CBFA2T3: variants seen among roughly 807,000 people sequenced by gnomAD.
The protein encoded by CBFA2T3 is CBFA2/RUNX1 partner transcriptional co-repressor 3, also known as transcriptional corepressor CBFA2T3.
A neutral mutation model predicts 58.6 loss-of-function variants in CBFA2T3; 31 were observed. That is an observed-to-expected ratio of 0.53 (90% CI 0.40 to 0.71). The LOEUF is 0.71. Among genes scored for constraint, CBFA2T3 ranks in the 30% least tolerant of loss-of-function variants. The pLI is 0.00. For synonymous variants in CBFA2T3, 531 were observed against 421.9 expected, an observed-to-expected ratio of 1.26 and a Z score of -3.17; for missense variants, 1,076 against 963.1, an observed-to-expected ratio of 1.12 and a Z score of -1.55.
At chr16:88,968,890 T>C (rs1194805756) in intron 1 of CBFA2T3, among the ~76,000 whole-genome samples, 1 of 151,944 alleles carries the variant, frequency 6.6e-6, no homozygotes, top group Non-Finnish European at 1.5e-5. Flanking sequence ...CTGAGTGCCA[T>C]GTGACCCCCA....
intron 1 of CBFA2T3, among the ~76,000 whole-genome samples, chr16:88,927,879 T>G (rs1971135674): frequency 6.6e-6 from 1 of 152,160 alleles, no homozygotes. Flanking sequence ...GAAAGGCGCC[T>G]CGTGACACGC....
Position 88,976,925 on chromosome 16 carries a change from C to G in CBFA2T3, c.-118G>C, listed in dbSNP as rs945811001. ...GGAGGGGCTGGGCCAGCTGGGGCGT[C>G]CTGGAGTTGGGCCTCTGTCCCTGGA... On this transcript the variant is annotated 5_prime_UTR_variant, in exon 1 of 12. Transcript: ENST00000268679. The G allele has an allele frequency of 7.7e-7, 1 of 1,305,162 alleles. No individual in the cohort carries two copies. The highest frequency in any genetic ancestry group is 1.0e-6 in the Non-Finnish European group (1 of 964,752). 80.8% of individuals were successfully genotyped at this position (1,305,162 alleles called of 1,614,324 possible).
At chr16:88,973,335 C>T (rs1025858886) in intron 1 of CBFA2T3, among the ~76,000 whole-genome samples, 2 of 152,106 alleles carry the variant, frequency 1.3e-5, no homozygotes, top group African/African-American at 2.4e-5. Flanking sequence ...TGCGGCACGG[C>T]GGCCACAGCC....
intron 1 of CBFA2T3, among the ~76,000 whole-genome samples, chr16:88,902,041 C>T (rs1251518306): frequency 6.6e-6 from 1 of 152,196 alleles, no homozygotes; most frequent in Non-Finnish European, 1.5e-5. Flanking sequence ...AGACAGACCT[C>T]AGCCTCTTCC....
Position 88,977,117 on chromosome 16 carries a change from G to A in CBFA2T3, c.-310C>T, listed in dbSNP as rs991310796. The A allele has an allele frequency of 1.1e-4, 38 of 333,376 alleles. No individual in the cohort carries two copies. The highest frequency in any genetic ancestry group is 1.8e-4 in the Non-Finnish European group (33 of 180,548). The allele number at this position is 333,376 out of a possible 1,614,324, so 20.7% of individuals were successfully genotyped here. A position where few individuals can be genotyped will look rare whatever the true frequency, so the allele number is the denominator to read the frequency against. On this transcript the variant is annotated 5_prime_UTR_variant, in exon 1 of 12. Transcript: ENST00000268679. ...GCTGTGTCCCCGTGATAATGCCGGG[G>A]CCGGAGGCCTGCAGCTGCGCCCGCC... is the stretch of plus-strand genomic sequence containing the variant.
At chr16:88,975,631 C>T (rs776675267) in intron 1 of CBFA2T3, among the ~76,000 whole-genome samples, 1 of 152,268 alleles carries the variant, frequency 6.6e-6, no homozygotes, top group Non-Finnish European at 1.5e-5. Flanking sequence ...TCGGGAGAAA[C>T]GAACAGTAGC....
chr16:88,906,820 A>G (rs2142674007), intron 1 of CBFA2T3, among the ~76,000 whole-genome samples: 1 of 152,304 alleles, frequency 6.6e-6, no homozygotes, highest in East Asian at 1.9e-4. Flanking sequence ...TGCAGCCCCC[A>G]GGAGATTAAA....
Position 88,881,983 on chromosome 16 carries a change from G to A in CBFA2T3, c.1204-494C>T, listed in dbSNP as rs775349942. 3.8e-4 allele frequency among the ~76,000 whole-genome samples: 58 copies of A among 152,222 alleles called. 1 individual carries two copies. The highest frequency in any genetic ancestry group is 6.3e-4 in the Non-Finnish European group (43 of 68,030). ...TCAAAGAGGCCTCGGCACTGCTTTT[G>A]CCCACACTTCTTGCAAGACTCAGGA... On this transcript the variant is annotated intron_variant, in intron 8 of 11. Transcript: ENST00000268679.
chr16:88,906,104 CTAT>C (rs1970323011), intron 1 of CBFA2T3, among the ~76,000 whole-genome samples: 2 of 152,090 alleles, frequency 1.3e-5, no homozygotes, highest in African/African-American at 2.4e-5. Context: ...GAAATGGTGG[CTAT>C]TATTATCCTC....
At chr16:88,943,671 C>A (rs947409120) in intron 1 of CBFA2T3, among the ~76,000 whole-genome samples, 2 of 152,200 alleles carry the variant, frequency 1.3e-5, no homozygotes, top group African/African-American at 4.8e-5. Context: ...TGCATTTCCC[C>A]CCGTGCTGTG....
rs1567617040 is a variant in CBFA2T3 at position 88,932,171 on chromosome 16, C to CCCA, written c.152-30516_152-30515insTGG. Reference sequence around the variant, plus strand: ...CTGCCAGGTGGCCCCTCACACGGCCCCTGCTTCCCCCTCACACGGCCCCCG... The same window carrying CCCA: ...CTGCCAGGTGGCCCCTCACACGGCCCCCACTGCTTCCCCCTCACACGGCCCCCG... On this transcript the variant is annotated intron_variant, in intron 1 of 11. Coordinates refer to ENST00000268679, the MANE Select transcript of CBFA2T3 (RefSeq NM_005187.6). Among the ~76,000 whole-genome samples, 94 of 137,968 alleles carry CCCA rather than the reference C, an allele frequency of 6.8e-4. 1 individual carries two copies. Among genetic ancestry groups the CCCA allele is most frequent in the African/African-American group, 3.0e-3 (92 of 30,956 alleles). 90.5% of individuals were successfully genotyped at this position (137,968 alleles called of 152,430 possible).
At chr16:88,921,103 A>T (rs1382939605) in intron 1 of CBFA2T3, among the ~76,000 whole-genome samples, 1 of 152,208 alleles carries the variant, frequency 6.6e-6, no homozygotes, top group African/African-American at 2.4e-5. Context: ...CCCGGCTCTC[A>T]CAGGGCGGAG....
intron 10 of CBFA2T3, 59 bp from the exon 11 acceptor site, chr16:88,879,519 A>C (rs1968980163): frequency 6.6e-7 from 1 of 1,517,946 alleles, no homozygotes; most frequent in Non-Finnish European, 9.1e-7. Flanking sequence ...GGGTCTCTGG[A>C]CTTCCTACGC....
chr16:88,894,468 A>G (rs974184678), intron 3 of CBFA2T3, among the ~76,000 whole-genome samples: 4 of 122,200 alleles, frequency 3.3e-5, no homozygotes, highest in Non-Finnish European at 6.5e-5. Context: ...ACATGCATAC[A>G]TATACACATG....
At chr16:88,944,062 G>T (rs1277973176) in intron 1 of CBFA2T3, among the ~76,000 whole-genome samples, 1 of 152,154 alleles carries the variant, frequency 6.6e-6, no homozygotes, top group Non-Finnish European at 1.5e-5. Flanking sequence ...CCACGGCCGG[G>T]TGCGGTGGGT....
chr16:88,941,109 C>T lies in CBFA2T3; in HGVS notation c.151+35548G>A, dbSNP rs950936186. ...TCGCTGCTCCTTCCAGCTTGGTCCC[C>T]GCCTCCACGACTCAGGGGCGGCTGC... On this transcript the variant is annotated intron_variant, in intron 1 of 11. Transcript: ENST00000268679. 2,586 of 984,468 alleles carry T rather than the reference C, an allele frequency of 2.6e-3. 7 individuals are homozygous for T. The highest frequency in any genetic ancestry group is 3.0e-3 in the Non-Finnish European group (2,525 of 829,516). The allele number at this position is 984,468 out of a possible 1,614,324, so 61.0% of individuals were successfully genotyped here. A position where few individuals can be genotyped will look rare whatever the true frequency, so the allele number is the denominator to read the frequency against.
At chr16:88,965,088 T>TATAC (rs1972465678) in intron 1 of CBFA2T3, among the ~76,000 whole-genome samples, 1 of 132,992 alleles carries the variant, frequency 7.5e-6, no homozygotes, top group African/African-American at 3.1e-5. Context: ...CCCACCCATC[T>TATAC]ATCCATCCAT....
chr16:88,905,348 C>T lies in CBFA2T3; in HGVS notation c.152-3692G>A, dbSNP rs151019161. Among the ~76,000 whole-genome samples the T allele has an allele frequency of 1.3e-3, 205 of 152,242 alleles. 2 individuals carry two copies. Among genetic ancestry groups the T allele is most frequent in the African/African-American group, 4.6e-3 (191 of 41,534 alleles). On this transcript the variant is annotated intron_variant, in intron 1 of 11. Transcript: ENST00000268679. ...CCATGCACGACCCCCCACCGCCCCT[C>T]GTTCCCTCTGGGATTCAGCTTCAAC...
rs552414127 is a variant in CBFA2T3, at chr16:88,900,418, C to T, written c.304+1086G>A. 8.5e-5 allele frequency among the ~76,000 whole-genome samples: 13 copies of T among 152,364 alleles called. No individual in the cohort carries two copies. In the South Asian group the frequency reaches 2.7e-3, roughly 32 times the overall value. On this transcript the variant is annotated intron_variant, in intron 2 of 11. Transcript: ENST00000268679. The stretch of plus-strand genomic sequence containing the variant: ...GGCCAAAGCCCTCGGCGGAGCAGGC[C>T]CCCAGCCTCAGCGGCAGAGCCAGGG...
Sources: gnomAD v4.1 joint callset for allele counts (sites outside exome capture counted in the v4.1 genomes callset) on GRCh38, gnomAD v4.1.1 for gene constraint, MANE v1.5 for transcripts, NCBI Gene and HGNC (gene_info 2026-07-23, HGNC 2026-07-21) for gene names.